The following ANK2 variants were observed in gnomAD, a reference collection of about 807,000 sequenced individuals.
ANK2 encodes the protein ankyrin-2.
A neutral mutation model predicts 360.5 loss-of-function variants in ANK2; 83 were observed. The ratio of observed to expected loss-of-function variants is 0.23; its 90% CI spans 0.19 to 0.28. The LOEUF (loss-of-function observed/expected upper bound fraction) is 0.28, where lower values mean the gene tolerates loss of function less well. ANK2 is among the 10% of genes least tolerant of loss of function. The probability of loss-of-function intolerance (pLI) is 1.00; values close to 1 mark genes in which losing one functional copy is unlikely to be tolerated. For synonymous variants in ANK2, 1,740 were observed against 1,759.5 expected (o/e 0.99, Z 0.28); for missense variants, 4,201 against 4,795.7 (o/e 0.88, Z 3.66).
At chr4:112,736,737 AG>A in the ANK2 span, among the ~76,000 whole-genome samples, 8 of 152,120 alleles carry the variant, frequency 5.3e-5, no homozygotes, top group African/African-American at 1.7e-4. Flanking sequence ...TCCTTTTTAG[AG>A]GTAACATTCG....
chr4:112,812,058 G>C, the ANK2 span, among the ~76,000 whole-genome samples: 3 of 125,286 alleles, frequency 2.4e-5, no homozygotes, highest in African/African-American at 9.7e-5. Context: ...CTGGGCAACG[G>C]AGCAAGACTC....
chr4:113,212,153 G>T (rs767222767), intron 4 of ANK2, among the ~76,000 whole-genome samples: 9 of 152,154 alleles, frequency 5.9e-5, no homozygotes, highest in Non-Finnish European at 1.3e-4. Context: ...TACCAAAAGT[G>T]ATTTGATTTA....
At chr4:112,826,741 T>G in intron 1 of ANK2, 2 of 861,816 alleles carry the variant, frequency 2.3e-6, no homozygotes, top group Non-Finnish European at 3.8e-6. Context: ...AGTCAGTTTC[T>G]TCCATCTTCT....
In ANK2 at chr4:113,277,899, C is replaced by A; in HGVS notation, c.1746C>A (p.Leu582=). ...GAAGCCTGGATGTGGCAAAACTTCTCTTGCAACGCCGTGCTGCCGCAGATT... is the reference window on the plus strand; with the variant it reads ...GAAGCCTGGATGTGGCAAAACTTCTATTGCAACGCCGTGCTGCCGCAGATT... ...KYGSLDVAKL[L]LQRRAAADSA... The change falls in exon 16 of 46, where the codon CTC becomes CTA. Residue 582 remains leucine (L), a synonymous_variant. Coordinates refer to ENST00000357077, the MANE Select transcript of ANK2 (RefSeq NM_001148.6). 6.2e-7 allele frequency: 1 copy of A among 1,614,058 alleles called. No individual in the cohort carries two copies. The highest frequency in any genetic ancestry group is 1.1e-5 in the South Asian group (1 of 91,076).
intron 2 of ANK2, among the ~76,000 whole-genome samples, chr4:113,023,845 T>C (rs76636278): frequency 0.013 from 1,913 of 152,226 alleles, 41 homozygotes; most frequent in African/African-American, 0.043. Flanking sequence ...AGAAGATAAT[T>C]TTTTTGATTT....
In ANK2 at chr4:113,357,018, T is replaced by A. The variant is rs758707541; in HGVS notation, c.8400T>A (p.Asp2800Glu). Residue 2800 changes from aspartate (D) to glutamate (E), a missense_variant, in exon 38 of 46, where the codon GAT becomes GAA. Coordinates refer to ENST00000357077, the MANE Select transcript of ANK2 (RefSeq NM_001148.6). ...SSGLQSPTGD[D>E]VDEQPVIYKE... ...GTCTACAGAGTCCGACTGGTGATGA[T>A]GTTGATGAACAGCCAGTCATCTATA... The A allele has an allele frequency of 1.2e-6, 2 of 1,614,052 alleles. No individual in the cohort carries two copies. Among genetic ancestry groups the A allele is most frequent in the East Asian group, 2.2e-5 (1 of 44,850 alleles).
intron 1 of ANK2, among the ~76,000 whole-genome samples, chr4:113,075,843 C>A (rs2079717952): frequency 1.3e-5 from 2 of 152,146 alleles, no homozygotes; most frequent in Non-Finnish European, 1.5e-5. Flanking sequence ...TGCTTAAACA[C>A]CCTTAGGCTG....
chr4:112,972,590 C>T (rs969953125), intron 2 of ANK2, among the ~76,000 whole-genome samples: 3 of 152,136 alleles, frequency 2.0e-5, no homozygotes. Flanking sequence ...GAGGTGCCCA[C>T]GTACACGGGA....
chr4:112,802,152 A>G, the ANK2 span, among the ~76,000 whole-genome samples: 1 of 152,056 alleles, frequency 6.6e-6, no homozygotes, highest in Admixed American at 6.6e-5. Context: ...GACAAGTTCA[A>G]TTTTAGGTGG....
At chr4:112,927,468 C>T (rs980994243) in intron 2 of ANK2, among the ~76,000 whole-genome samples, 25 of 152,184 alleles carry the variant, frequency 1.6e-4, no homozygotes, top group African/African-American at 5.3e-4. Flanking sequence ...CTCGTCACTA[C>T]ATGTCACTGG....
the ANK2 span, among the ~76,000 whole-genome samples, chr4:112,771,164 G>A: frequency 6.6e-6 from 1 of 152,172 alleles, no homozygotes; most frequent in African/African-American, 2.4e-5. Context: ...CCAGGCTGTA[G>A]TGCAATGGTG....
chr4:112,901,187 G>A (rs962110427), intron 1 of ANK2, among the ~76,000 whole-genome samples: 1 of 151,864 alleles, frequency 6.6e-6, no homozygotes, highest in Non-Finnish European at 1.5e-5. Flanking sequence ...ATTTTTTTGG[G>A]GTATTAGAGT....
intron 1 of ANK2, among the ~76,000 whole-genome samples, chr4:112,852,205 AAC>A (rs2065174934): frequency 6.6e-6 from 1 of 152,338 alleles, no homozygotes; most frequent in South Asian, 2.1e-4. Context: ...ATGGTTTTGG[AAC>A]ACACCATGCT....
chr4:113,218,421 T>C (rs184089044), intron 4 of ANK2, among the ~76,000 whole-genome samples: 4 of 151,402 alleles, frequency 2.6e-5, no homozygotes, highest in Admixed American at 6.6e-5. Context: ...GCAAAGTTAA[T>C]TGTCAGTTTA....
intron 1 of ANK2, among the ~76,000 whole-genome samples, chr4:113,152,034 C>T: frequency 7.3e-6 from 1 of 136,280 alleles, no homozygotes. Context: ...CCACTGCACT[C>T]CAGCCTGGGT....
chr4:113,348,096 ATCT>A, intron 35 of ANK2, 177 bp from the exon 36 acceptor site: 1 of 632,706 alleles, frequency 1.6e-6, no homozygotes, highest in Non-Finnish European at 2.8e-6. Context: ...ACTTAAGCCA[ATCT>A]TCTTTTCTGC....
intron 1 of ANK2, among the ~76,000 whole-genome samples, chr4:112,889,411 A>G (rs2079314780): frequency 1.3e-5 from 2 of 152,146 alleles, no homozygotes; most frequent in South Asian, 2.1e-4. Flanking sequence ...TACATGGCCT[A>G]TGCTCATCCT....
At chr4:113,183,544 A>T (rs930793962) in intron 2 of ANK2, among the ~76,000 whole-genome samples, 1 of 152,186 alleles carries the variant, frequency 6.6e-6, no homozygotes, top group African/African-American at 2.4e-5. Flanking sequence ...TATGCATAGG[A>T]TTCATGCCAA....
At chr4:113,036,167 C>T (rs1323579314) in intron 2 of ANK2, among the ~76,000 whole-genome samples, 1 of 151,638 alleles carries the variant, frequency 6.6e-6, no homozygotes, top group Non-Finnish European at 1.5e-5. Flanking sequence ...AATCACTGGC[C>T]ATTTAATCTG....
Sources: gnomAD v4.1 joint callset for allele counts (sites outside exome capture counted in the v4.1 genomes callset) on GRCh38, gnomAD v4.1.1 for gene constraint, MANE v1.5 for transcripts, NCBI Gene and HGNC (gene_info 2026-07-23, HGNC 2026-07-21) for gene names.